The following BBS9 variants were observed in gnomAD, a reference collection of about 807,000 sequenced individuals.
BBS9 encodes the protein Bardet-Biedl syndrome 9, also known as protein PTHB1.
In BBS9, 89 loss-of-function variants were observed where a neutral mutation model predicts 117.7. That is an observed-to-expected ratio of 0.76 (90% CI 0.64 to 0.90). The LOEUF (loss-of-function observed/expected upper bound fraction) is 0.90. Among genes scored for constraint, BBS9 ranks in the 40% least tolerant of loss-of-function variants. BBS9 has a pLI of 0.00. For missense variants in BBS9, 982 were observed against 1,042.2 expected, an observed-to-expected ratio of 0.94 and a Z score of 0.80; for synonymous variants, 379 against 370.9, an observed-to-expected ratio of 1.02 and a Z score of -0.25.
intron 19 of BBS9, among the ~76,000 whole-genome samples, chr7:33,408,190 A>G (rs1306976214): frequency 6.6e-6 from 1 of 152,122 alleles, no homozygotes; most frequent in African/African-American, 2.4e-5. Flanking sequence ...TTGATCTCAG[A>G]CTGCTGTGCT....
chr7:33,634,654 A>C (rs1866056800), intron 21 of BBS9, among the ~76,000 whole-genome samples: 1 of 152,108 alleles, frequency 6.6e-6, no homozygotes. Context: ...AAACAGATTC[A>C]GTGCACATTT....
At chr7:33,391,813 A>G (rs1009502051) in intron 19 of BBS9, among the ~76,000 whole-genome samples, 1 of 152,222 alleles carries the variant, frequency 6.6e-6, no homozygotes, top group African/African-American at 2.4e-5. Context: ...TCTCTCATAC[A>G]TAAAAAAGTT....
intron 4 of BBS9, among the ~76,000 whole-genome samples, chr7:33,164,649 C>T (rs1033511738): frequency 1.4e-4 from 21 of 152,246 alleles, no homozygotes; most frequent in Non-Finnish European, 1.3e-4. Flanking sequence ...ACTAGGATTG[C>T]AACCCCTGCT....
At chr7:33,627,633 G>T (rs1335570432) in intron 21 of BBS9, among the ~76,000 whole-genome samples, 2 of 152,210 alleles carry the variant, frequency 1.3e-5, no homozygotes, top group African/African-American at 4.8e-5. Flanking sequence ...GATGGCCAAA[G>T]TCTTAGGAGC....
At chr7:33,530,732 G>A (rs2129055544) in intron 20 of BBS9, among the ~76,000 whole-genome samples, 2 of 152,252 alleles carry the variant, frequency 1.3e-5, no homozygotes, top group Middle Eastern at 6.8e-3. Flanking sequence ...ATTTGGGGTA[G>A]GAAGCTGTTT....
At chr7:33,266,430 G>A (rs1798836467) in intron 7 of BBS9, among the ~76,000 whole-genome samples, 1 of 152,142 alleles carries the variant, frequency 6.6e-6, no homozygotes, top group African/African-American at 2.4e-5. Flanking sequence ...AGTCTTTTGT[G>A]TTCAGAAAAA....
chr7:33,441,494 CTT>C (rs1431519186), intron 19 of BBS9, among the ~76,000 whole-genome samples: 1 of 152,072 alleles, frequency 6.6e-6, no homozygotes, highest in East Asian at 1.9e-4. Flanking sequence ...CTTGTGGAAA[CTT>C]AATTCATCAT....
At chr7:33,542,477 C>T (rs1212067335) in intron 21 of BBS9, among the ~76,000 whole-genome samples, 1 of 151,876 alleles carries the variant, frequency 6.6e-6, no homozygotes, top group Non-Finnish European at 1.5e-5. Flanking sequence ...TATCCCTTGC[C>T]CTCCTCCCAC....
chr7:33,572,375 C>T (rs2598402), intron 21 of BBS9, among the ~76,000 whole-genome samples: 51,214 of 152,036 alleles, frequency 0.34, 13,337 homozygotes, highest in African/African-American at 0.72. Flanking sequence ...CATATCTTGC[C>T]TAGTGTGAAT....
At chr7:33,562,559 G>A (rs1856244797) in intron 21 of BBS9, among the ~76,000 whole-genome samples, 1 of 152,122 alleles carries the variant, frequency 6.6e-6, no homozygotes, top group South Asian at 2.1e-4. Context: ...ATCCTAAACT[G>A]AACTTGAAAC....
At chr7:33,337,553 A>T (rs190834480) in intron 10 of BBS9, among the ~76,000 whole-genome samples, 133 of 152,200 alleles carry the variant, frequency 8.7e-4, no homozygotes, top group Middle Eastern at 3.4e-3. Flanking sequence ...TAAAATACAA[A>T]TATTAAAATA....
chr7:33,486,694 G>C (rs113928080), intron 19 of BBS9, among the ~76,000 whole-genome samples: 54 of 152,110 alleles, frequency 3.6e-4, no homozygotes, highest in Non-Finnish European at 7.1e-4. Context: ...TCTTCTTCTT[G>C]TTAGTGTTGT....
At chr7:33,614,720 C>T (rs1157433651) in intron 21 of BBS9, among the ~76,000 whole-genome samples, 5 of 151,988 alleles carry the variant, frequency 3.3e-5, no homozygotes, top group African/African-American at 9.7e-5. Flanking sequence ...CTCCAGAAGA[C>T]CCAGTCATAA....
At chr7:33,147,155 T>A (rs528354153) in intron 2 of BBS9, among the ~76,000 whole-genome samples, 11 of 152,296 alleles carry the variant, frequency 7.2e-5, no homozygotes, top group Admixed American at 7.2e-4. Flanking sequence ...TCTAGCTTAT[T>A]CTTATGCATC....
chr7:33,441,280 CAA>C (rs10706136), intron 19 of BBS9, among the ~76,000 whole-genome samples: 85 of 141,626 alleles, frequency 6.0e-4, no homozygotes, highest in African/African-American at 1.4e-3. Flanking sequence ...TGTAGATGGC[CAA>C]AAAAAAAAAA....
chr7:33,629,305 G>T (rs189644662), intron 21 of BBS9, among the ~76,000 whole-genome samples: 1 of 152,176 alleles, frequency 6.6e-6, no homozygotes, highest in Admixed American at 6.5e-5. Flanking sequence ...ATCCTGCATG[G>T]GGGGGTTCTT....
At position 33,134,215 on chromosome 7, in the gene BBS9, ATTT is replaced by A. The variant is rs59609414; in HGVS notation, c.-12+4193_-12+4195del. 3.3e-3 allele frequency among the ~76,000 whole-genome samples: 393 copies of A among 118,060 alleles called. 1 individual carries two copies. The highest frequency in any genetic ancestry group is 0.011 in the African/African-American group (325 of 29,952). The allele number at this position is 118,060 out of a possible 152,430, so 77.5% of individuals were successfully genotyped here. On this transcript the variant is annotated intron_variant, in intron 1 of 22. Transcript: ENST00000242067. The stretch of plus-strand genomic sequence containing the variant: ...CAGGCACCTGCCATCACGCCTGGCT[ATTT>A]TTTTTTTTTTTTTTTTTTGTATTTT...
chr7:33,167,254 C>T lies in BBS9; in HGVS notation c.329-10224C>T, dbSNP rs554419039. ...GTATTTTGACTTGGATCATGGAGTT[C>T]GTTCACATTGTATATATAAACAATT... On this transcript the variant is annotated intron_variant, in intron 4 of 22. Coordinates refer to ENST00000242067, the MANE Select transcript of BBS9 (RefSeq NM_198428.3). 5.3e-5 allele frequency among the ~76,000 whole-genome samples: 8 copies of T among 152,132 alleles called. No individual in the cohort carries two copies. The South Asian group carries it at 1.5e-3, about 28-fold the overall frequency.
intron 6 of BBS9, among the ~76,000 whole-genome samples, chr7:33,261,693 A>G (rs1798006347): frequency 6.6e-6 from 1 of 152,218 alleles, no homozygotes; most frequent in Non-Finnish European, 1.5e-5. Flanking sequence ...TGTTTTTACA[A>G]AGCAATTTGG....
Sources: gnomAD v4.1 joint callset for allele counts (sites outside exome capture counted in the v4.1 genomes callset) on GRCh38, gnomAD v4.1.1 for gene constraint, MANE v1.5 for transcripts, NCBI Gene and HGNC (gene_info 2026-07-23, HGNC 2026-07-21) for gene names.